The following NF1 variants were observed in gnomAD, a reference collection of about 807,000 sequenced individuals.
NF1 encodes the protein neurofibromin.
NF1 carries 122 observed loss-of-function variants against 325.7 expected under a neutral mutation model. The ratio of observed to expected loss-of-function variants is 0.37; its 90% CI spans 0.32 to 0.44. NF1 has a LOEUF of 0.44. Among genes scored for constraint, NF1 ranks in the 20% least tolerant of loss-of-function variants. The probability of loss-of-function intolerance (pLI) is 1.00; values close to 1 mark genes in which losing one functional copy is unlikely to be tolerated. For missense variants in NF1, 2,140 were observed against 3,415.4 expected (o/e 0.63, Z 9.31); for synonymous variants, 1,091 against 1,186.0 (o/e 0.92, Z 1.65).
chr17:31,304,298 C>T, intron 36 of NF1: 1 of 1,612,962 alleles, frequency 6.2e-7, no homozygotes, highest in East Asian at 2.2e-5. Flanking sequence ...GGCAGGGATT[C>T]ATTAAGATCT....
chr17:31,260,638 A>T (rs2067669118), intron 34 of NF1, 123 bp downstream of exon 34: 3 of 1,217,522 alleles, frequency 2.5e-6, no homozygotes, highest in Non-Finnish European at 3.6e-6. Flanking sequence ...ATGGTTTAGA[A>T]AGAGAAAGAT....
chr17:31,154,574 A>G (rs1917184237), intron 1 of NF1, among the ~76,000 whole-genome samples: 1 of 152,094 alleles, frequency 6.6e-6, no homozygotes, highest in Admixed American at 6.6e-5. Context: ...TAAAAAGGTT[A>G]TCTGTGCTCG....
At chr17:31,323,515 G>A (rs2069266238) in intron 36 of NF1, among the ~76,000 whole-genome samples, 1 of 152,198 alleles carries the variant, frequency 6.6e-6, no homozygotes. Flanking sequence ...TCTGACGCCA[G>A]TAGTCCACAG....
At chr17:31,125,033 C>T (rs1458342438) in intron 1 of NF1, among the ~76,000 whole-genome samples, 1 of 151,570 alleles carries the variant, frequency 6.6e-6, no homozygotes, top group Non-Finnish European at 1.5e-5. Flanking sequence ...AACAACATTC[C>T]CAATGCTGTG....
intron 12 of NF1, among the ~76,000 whole-genome samples, chr17:31,211,989 TATG>T (rs1002769874): frequency 1.2e-4 from 19 of 152,162 alleles, no homozygotes; most frequent in African/African-American, 3.6e-4. Flanking sequence ...AATATTTTTA[TATG>T]ATAACTTTAC....
chr17:31,313,938 A>G (rs1392203821), intron 36 of NF1: 1 of 397,666 alleles, frequency 2.5e-6, no homozygotes, highest in Admixed American at 4.4e-5. Flanking sequence ...TAAATTTTAT[A>G]TAAAGCAAGA....
chr17:31,368,096 CA>C (rs1389657112), intron 57 of NF1, among the ~76,000 whole-genome samples: 1 of 152,130 alleles, frequency 6.6e-6, no homozygotes, highest in Non-Finnish European at 1.5e-5. Context: ...TACACCTAAA[CA>C]GAAAAAGAAG....
intron 1 of NF1, among the ~76,000 whole-genome samples, chr17:31,119,233 G>A (rs111829822): frequency 1.0e-3 from 155 of 152,102 alleles, no homozygotes; most frequent in African/African-American, 3.6e-3. Flanking sequence ...GAGCCACCGC[G>A]CCTGGCCTTA....
intron 5 of NF1, among the ~76,000 whole-genome samples, chr17:31,172,006 G>T (rs769587203): frequency 6.6e-6 from 1 of 152,094 alleles, no homozygotes; most frequent in Non-Finnish European, 1.5e-5. Flanking sequence ...TGTTTGAGGG[G>T]ATGAGAGATG....
intron 49 of NF1, among the ~76,000 whole-genome samples, chr17:31,349,718 C>T (rs2070092348): frequency 6.6e-6 from 1 of 152,150 alleles, no homozygotes; most frequent in South Asian, 2.1e-4. Flanking sequence ...GGAGTATCTG[C>T]CCTATCCCCA....
chr17:31,146,884 G>A (rs956895838), intron 1 of NF1, among the ~76,000 whole-genome samples: 8 of 152,236 alleles, frequency 5.3e-5, no homozygotes, highest in African/African-American at 1.9e-4. Flanking sequence ...GAACAGGGTT[G>A]TTCCTTGTAG....
intron 5 of NF1, among the ~76,000 whole-genome samples, chr17:31,177,021 G>A (rs2066036213): frequency 1.3e-5 from 2 of 152,160 alleles, no homozygotes; most frequent in Admixed American, 1.3e-4. Flanking sequence ...ATTTAAAGTA[G>A]TTTTTTCTAA....
At chr17:31,268,460 C>T (rs1228452960) in intron 36 of NF1, among the ~76,000 whole-genome samples, 5 of 151,938 alleles carry the variant, frequency 3.3e-5, no homozygotes, top group Non-Finnish European at 5.9e-5. Context: ...AACCCCATCT[C>T]TACTAAAACA....
At chr17:31,134,240 T>C (rs571939676) in intron 1 of NF1, among the ~76,000 whole-genome samples, 1 of 152,350 alleles carries the variant, frequency 6.6e-6, no homozygotes, top group South Asian at 2.1e-4. Flanking sequence ...CATTTGATTG[T>C]AAGTATTCAA....
chr17:31,142,913 T>G (rs1287979742), intron 1 of NF1, among the ~76,000 whole-genome samples: 1 of 152,090 alleles, frequency 6.6e-6, no homozygotes, highest in African/African-American at 2.4e-5. Context: ...TTTTATGTTA[T>G]TTACTGATCA....
chr17:31,322,537 G>A (rs1383751147), intron 36 of NF1, among the ~76,000 whole-genome samples: 8,106 of 66,410 alleles, frequency 0.12, no homozygotes, highest in East Asian at 0.21. Flanking sequence ...AAAAAAAAAA[G>A]AACTGGATAT....
rs1464610335 is a variant in NF1 at position 31,377,418 on chromosome 17, A to G, written c.*3263A>G. The G allele has an allele frequency of 4.3e-6, 1 of 233,240 alleles. No homozygotes were observed. Among genetic ancestry groups the G allele is most frequent in the East Asian group, 6.1e-5 (1 of 16,516 alleles). 14.4% of individuals were successfully genotyped at this position (233,240 alleles called of 1,614,324 possible). ...AAAATGCTGTGTATTGTAAACTTAAATTGTATATGATAACTTACTGTCCTT... is the reference window on the plus strand; with the variant it reads ...AAAATGCTGTGTATTGTAAACTTAAGTTGTATATGATAACTTACTGTCCTT... On this transcript the variant is annotated 3_prime_UTR_variant, in exon 58 of 58. Transcript: ENST00000358273.
chr17:31,184,926 C>T (rs188166724), intron 8 of NF1, among the ~76,000 whole-genome samples: 1 of 152,144 alleles, frequency 6.6e-6, no homozygotes, highest in Non-Finnish European at 1.5e-5. Flanking sequence ...GAATGGGACC[C>T]TGCAACTTGG....
rs2151438634 is a variant in NF1 at position 31,235,982 on chromosome 17, C to T, written c.3935C>T (p.Ser1312Phe). The T allele has an allele frequency of 6.2e-7, 1 of 1,613,892 alleles. No individual in the cohort carries two copies. The highest frequency in any genetic ancestry group is 8.5e-7 in the Non-Finnish European group (1 of 1,179,974). Residue 1312 changes from serine to phenylalanine, a missense_variant, in exon 29 of 58, where the codon TCT becomes TTT. Ser to Phe is a radical substitution (Grantham distance 155). This residue lies in a region of NF1 where 336 missense variants were observed against 399.0 expected (regional missense o/e 0.84). Coordinates refer to ENST00000358273, the MANE Select transcript of NF1 (RefSeq NM_001042492.3). ...DPLLRIVITS[S>F]DWQHVSFEVD... ...TTATTACGAATTGTGATCACATCCT[C>T]TGATTGGCAACATGTTAGCTTTGAA...
Sources: allele counts gnomAD v4.1 joint callset (sites outside exome capture counted in the v4.1 genomes callset), GRCh38; gene constraint gnomAD v4.1.1; regional missense constraint gnomAD v4.1.1; transcripts MANE v1.5; gene names NCBI Gene and HGNC (gene_info 2026-07-23, HGNC 2026-07-21).